NUMA1: variants seen among roughly 807,000 people sequenced by gnomAD.
The protein encoded by NUMA1 is SP-H antigen.
A neutral mutation model predicts 237.1 loss-of-function variants in NUMA1; 62 were observed. That is an observed-to-expected ratio of 0.26 (90% CI 0.21 to 0.32). The LOEUF (loss-of-function observed/expected upper bound fraction) is 0.32, where lower values mean the gene tolerates loss of function less well. NUMA1 is among the 10% of genes least tolerant of loss of function. The pLI is 1.00. For synonymous variants in NUMA1, 1,028 were observed against 1,066.1 expected (o/e 0.96, Z 0.70); for missense variants, 2,533 against 2,666.5 (o/e 0.95, Z 1.10).
rs753379292 is a variant in NUMA1, at chr11:72,015,584, T to G, written c.1919A>C (p.Gln640Pro). The change falls in exon 15 of 27, where the codon CAG becomes CCG. Residue 640 changes from glutamine (Q) to proline (P), a missense_variant. Around this residue, in one of 3 missense-constraint regions of NUMA1, gnomAD observed 1,414 missense variants for 1,508.1 expected, o/e 0.94. Coordinates refer to ENST00000393695, the MANE Select transcript of NUMA1 (RefSeq NM_006185.4). The surrounding 1 kb of genome is among the most constrained non-coding windows in gnomAD (Gnocchi z 4.0). ...ARDSAQTSVT[Q>P]AQREKAELSR... ...CAGCTCTGCCTTCTCCCGCTGGGCC[T>G]GTGTCACTGAGGTCTGGGCACTGTC... 6.2e-7 allele frequency: 1 copy of G among 1,613,722 alleles called. No individual in the cohort carries two copies. Among genetic ancestry groups the G allele is most frequent in the Non-Finnish European group, 8.5e-7 (1 of 1,180,042 alleles).
chr11:72,028,112 C>G (rs1939809988), intron 4 of NUMA1, among the ~76,000 whole-genome samples: 1 of 152,268 alleles, frequency 6.6e-6, no homozygotes, highest in Admixed American at 6.5e-5. Context: ...GCAGACCCAT[C>G]TGTCCTGGGC....
At chr11:72,041,531 A>G (rs757470659) in intron 2 of NUMA1, 1 of 152,296 alleles carries the variant, frequency 6.6e-6, no homozygotes, top group Non-Finnish European at 1.5e-5. Context: ...CTCTCTGGAC[A>G]GCAATGGAAG....
At chr11:72,024,148 G>T (rs1939255989) in intron 5 of NUMA1, 126 bp downstream of exon 5, 1 of 727,178 alleles carries the variant, frequency 1.4e-6, no homozygotes, top group Non-Finnish European at 2.4e-6. Context: ...TTTCATCTTT[G>T]TGTTAAAGAG....
Position 72,019,553 on chromosome 11 carries a change from G to A in NUMA1, c.525C>T (p.Ala175=). The change falls in exon 9 of 27, where the codon GCC becomes GCT. Residue 175 remains alanine, a synonymous_variant. Transcript: ENST00000393695. ...PEELSPPSHQ[A]KREIRFLELQ... ...GCTCTAGGAAGCGAATCTCCCTCTT[G>A]GCCTGGTGGCTAGGTGGGGAGAGCT... The A allele has an allele frequency of 6.2e-7, 1 of 1,614,028 alleles. No individual in the cohort carries two copies. Among genetic ancestry groups the A allele is most frequent in the Non-Finnish European group, 8.5e-7 (1 of 1,179,912 alleles).
At chr11:72,010,060 C>T (rs1275775932) in intron 17 of NUMA1, among the ~76,000 whole-genome samples, 1 of 152,258 alleles carries the variant, frequency 6.6e-6, no homozygotes, top group African/African-American at 2.4e-5. Flanking sequence ...CCTCTCCTAA[C>T]ATAGGACAGG....
In NUMA1 at chr11:72,013,842, C is replaced by T; in HGVS notation, c.3661G>A (p.Glu1221Lys). The T allele has an allele frequency of 6.2e-7, 1 of 1,613,008 alleles. No homozygotes were observed. The highest frequency in any genetic ancestry group is 8.5e-7 in the Non-Finnish European group (1 of 1,180,016). ...AQVARGRQEA[E>K]RKNSLISSLE... ...CTGCTGATGAGGCTATTTTTCCTCT[C>T]AGCCTCTTGCCGGCCCCGGGCCACC... Residue 1221 changes from glutamate (E) to lysine (K), a missense_variant, in exon 15 of 27, where the codon GAG becomes AAG. Physicochemically the swap from Glu to Lys is moderately conservative, Grantham distance 56 (BLOSUM62 1). This residue lies in a region of NUMA1 where 1,414 missense variants were observed against 1,508.1 expected (regional missense o/e 0.94). Coordinates refer to ENST00000393695, the MANE Select transcript of NUMA1 (RefSeq NM_006185.4). The surrounding 1 kb of genome is among the most constrained non-coding windows in gnomAD (Gnocchi z 6.8).
rs547465708 is a variant in NUMA1 at position 72,074,656 on chromosome 11, T to C, written c.-102-4745A>G. Among the ~76,000 whole-genome samples the C allele has an allele frequency of 7.5e-4, 114 of 152,238 alleles. 1 individual carries two copies. The South Asian group carries it at 0.024, about 32-fold the overall frequency. On this transcript the variant is annotated intron_variant, in intron 1 of 26. Transcript: ENST00000393695. ...CAGCAGGCTGAGGTGGGAGGATAGC[T>C]TGAGTCCAGGAGATCGAGGCTGCAG...
chr11:72,006,601 A>G (rs530489214), intron 21 of NUMA1, among the ~76,000 whole-genome samples: 7 of 152,218 alleles, frequency 4.6e-5, no homozygotes, highest in Non-Finnish European at 8.8e-5. Context: ...AGGAAGTATC[A>G]GAGCTGGGGC....
At chr11:72,071,320 G>A (rs953722834) in intron 1 of NUMA1, among the ~76,000 whole-genome samples, 10 of 152,166 alleles carry the variant, frequency 6.6e-5, no homozygotes, top group Non-Finnish European at 1.0e-4. Flanking sequence ...CTGCTTCTAT[G>A]TATTTTAGTG....
At position 72,019,495 on chromosome 11, in the gene NUMA1, T is replaced by C. The variant is rs773297040; in HGVS notation, c.583A>G (p.Asn195Asp). 2 of 1,613,062 alleles carry C rather than the reference T, an allele frequency of 1.2e-6. No homozygotes were observed. The highest frequency in any genetic ancestry group is 1.7e-6 in the Non-Finnish European group (2 of 1,179,400). The change falls in exon 9 of 27, where the codon AAC (asparagine) becomes GAC (aspartate). Residue 195 changes from asparagine (N) to aspartate (D), a missense_variant and splice_region_variant. Asn to Asp is a conservative substitution (Grantham distance 23). Transcript: ENST00000393695. ...CAGGAGGAGAGGCCCAGAACATACT[T>C]GTTCCCACTGGAAGAGGAGGCAACC... ...QKVASSSSGN[N>D]FLSGSPASPM... is the part of the protein sequence containing the mutation.
chr11:72,022,597 T>A (rs63170561), intron 6 of NUMA1, among the ~76,000 whole-genome samples, 178 bp from the exon 7 acceptor site: 23 of 119,258 alleles, frequency 1.9e-4, no homozygotes, highest in South Asian at 2.7e-4. Context: ...TTTTTTTTTT[T>A]AATTAAGGAT....
intron 16 of NUMA1, chr11:72,012,145 C>T: frequency 6.1e-6 from 3 of 490,208 alleles, no homozygotes; most frequent in Non-Finnish European, 1.1e-5. Context: ...CCAGTGCTAC[C>T]CCTTGTCCCT....
chr11:72,053,710 G>T (rs1480421779), intron 2 of NUMA1, among the ~76,000 whole-genome samples: 1 of 152,172 alleles, frequency 6.6e-6, no homozygotes, highest in Non-Finnish European at 1.5e-5. Flanking sequence ...ATAGCTTTGA[G>T]AACTATTTAT....
chr11:72,073,804 T>C (rs1462618799), intron 1 of NUMA1, among the ~76,000 whole-genome samples: 1 of 152,182 alleles, frequency 6.6e-6, no homozygotes, highest in Non-Finnish European at 1.5e-5. Context: ...TTATAAACTG[T>C]GTGGCTTTGG....
At chr11:72,062,912 A>G (rs1028722585) in intron 2 of NUMA1, among the ~76,000 whole-genome samples, 1 of 152,024 alleles carries the variant, frequency 6.6e-6, no homozygotes, top group South Asian at 2.1e-4. Context: ...TCTTAAAAAA[A>G]TACAAAATTA....
At chr11:72,051,190 AT>A (rs1233847935) in intron 2 of NUMA1, among the ~76,000 whole-genome samples, 2 of 152,136 alleles carry the variant, frequency 1.3e-5, no homozygotes, top group Non-Finnish European at 2.9e-5. Flanking sequence ...GTGCTGTCCT[AT>A]CCACACTTTT....
chr11:72,019,874 C>T (rs1009681858), intron 8 of NUMA1, among the ~76,000 whole-genome samples: 1 of 152,168 alleles, frequency 6.6e-6, no homozygotes, highest in Non-Finnish European at 1.5e-5. Flanking sequence ...AGTGGAGTGA[C>T]GGTGTCCTCT....
intron 22 of NUMA1, 200 bp from the exon 23 acceptor site, chr11:72,005,569 G>C: frequency 1.8e-6 from 1 of 567,186 alleles, no homozygotes; most frequent in Non-Finnish European, 3.1e-6. Flanking sequence ...CCTTCTCCCT[G>C]GAGAGGGCAG....
chr11:72,021,314 G>A (rs770956451), intron 7 of NUMA1, 23 bp from the exon 8 acceptor site: 7 of 1,607,468 alleles, frequency 4.4e-6, no homozygotes, highest in Middle Eastern at 1.7e-4. Flanking sequence ...GAGAAAAAGA[G>A]CATCACTTAG....
Sources: gnomAD v4.1 joint callset for allele counts (sites outside exome capture counted in the v4.1 genomes callset) on GRCh38, gnomAD v4.1.1 for gene constraint, gnomAD v4.1.1 regional missense constraint, Gnocchi (gnomAD v3.1) non-coding constraint, MANE v1.5 for transcripts, NCBI Gene and HGNC (gene_info 2026-07-23, HGNC 2026-07-21) for gene names.